LHFPL3: variants seen among roughly 807,000 people sequenced by gnomAD.
LHFPL3 encodes the protein LHFPL tetraspan subfamily member 3 protein.
In LHFPL3, 5 loss-of-function variants were observed where a neutral mutation model predicts 19.3. The ratio of observed to expected loss-of-function variants is 0.26; its 90% confidence interval spans 0.14 to 0.54. LHFPL3 has a LOEUF of 0.54. Ranked by LOEUF, LHFPL3 falls within the 20% of genes least tolerant of loss-of-function variation. The pLI is 0.94. For synonymous variants in LHFPL3, 133 were observed against 126.2 expected (o/e 1.05, Z -0.36); for missense variants, 249 against 307.4 (o/e 0.81, Z 1.42).
At chr7:104,462,014 A>G (rs1792674167) in intron 1 of LHFPL3, among the ~76,000 whole-genome samples, 3 of 152,006 alleles carry the variant, frequency 2.0e-5, no homozygotes, top group South Asian at 2.1e-4. Flanking sequence ...TTTCATGGCA[A>G]TTGTGAATTC....
intron 1 of LHFPL3, among the ~76,000 whole-genome samples, chr7:104,704,769 G>A (rs373676833): frequency 6.6e-6 from 1 of 151,938 alleles, no homozygotes; most frequent in East Asian, 1.9e-4. Flanking sequence ...CCATGTAGCT[G>A]GGACCACAAG....
chr7:104,402,198 C>T (rs145832321), intron 1 of LHFPL3, among the ~76,000 whole-genome samples: 1 of 151,966 alleles, frequency 6.6e-6, no homozygotes, highest in African/African-American at 2.4e-5. Flanking sequence ...AAGTTTTAAA[C>T]ACTGGGCTTT....
intron 1 of LHFPL3, among the ~76,000 whole-genome samples, chr7:104,412,275 G>A (rs1294472987): frequency 1.3e-5 from 2 of 152,204 alleles, no homozygotes; most frequent in Non-Finnish European, 2.9e-5. Context: ...AGGAGGCTGA[G>A]GTGAAGACAG....
rs147999374 is a variant in LHFPL3 at position 104,802,469 on chromosome 7, G to A, written c.682+65558G>A. 6.5e-4 allele frequency among the ~76,000 whole-genome samples: 95 copies of A among 145,798 alleles called. 1 individual carries two copies. Among genetic ancestry groups the A allele is most frequent in the Admixed American group, 1.2e-3 (18 of 14,466 alleles). On this transcript the variant is annotated intron_variant, in intron 2 of 2. Coordinates refer to ENST00000424859, the MANE Select transcript of LHFPL3 (RefSeq NM_199000.3). ...ATGATAGTGCCAGTGTTCCAGCCTG[G>A]GCAAGAGAGCCAACCCTATCTCAAA... is the stretch of plus-strand genomic sequence containing the variant.
intron 1 of LHFPL3, among the ~76,000 whole-genome samples, chr7:104,394,622 G>A (rs1358018130): frequency 6.6e-6 from 1 of 151,834 alleles, no homozygotes; most frequent in Non-Finnish European, 1.5e-5. Flanking sequence ...CATCATTATT[G>A]ATTTTATATT....
chr7:104,482,800 C>T (rs932235397), intron 1 of LHFPL3, among the ~76,000 whole-genome samples: 1 of 152,214 alleles, frequency 6.6e-6, no homozygotes, highest in South Asian at 2.1e-4. Flanking sequence ...CAGGTGTTCT[C>T]CCTCTTGACT....
chr7:104,556,698 G>A (rs1302078854), intron 1 of LHFPL3, among the ~76,000 whole-genome samples: 1 of 152,200 alleles, frequency 6.6e-6, no homozygotes, highest in Non-Finnish European at 1.5e-5. Flanking sequence ...ACTTACACAA[G>A]TTTCTGCAGC....
intron 1 of LHFPL3, among the ~76,000 whole-genome samples, chr7:104,680,361 G>A (rs1043240282): frequency 1.3e-5 from 2 of 152,148 alleles, no homozygotes; most frequent in African/African-American, 4.8e-5. Flanking sequence ...TGGATGTCAC[G>A]GTGCTCCCTG....
intron 1 of LHFPL3, among the ~76,000 whole-genome samples, chr7:104,541,709 A>G (rs1389385079): frequency 6.6e-6 from 1 of 152,234 alleles, no homozygotes; most frequent in African/African-American, 2.4e-5. Flanking sequence ...ATATAGTAAC[A>G]TGCTTCTGTA....
intron 1 of LHFPL3, among the ~76,000 whole-genome samples, chr7:104,451,814 G>T (rs533467471): frequency 6.6e-6 from 1 of 151,554 alleles, no homozygotes; most frequent in Admixed American, 6.6e-5. Flanking sequence ...GCATGATCTC[G>T]GCTCACTGCA....
intron 1 of LHFPL3, among the ~76,000 whole-genome samples, chr7:104,478,523 G>A (rs1404659771): frequency 1.3e-5 from 2 of 152,132 alleles, no homozygotes; most frequent in African/African-American, 2.4e-5. Flanking sequence ...GTGGGAGTGG[G>A]GAACAAGCAA....
chr7:104,637,554 T>G (rs1562955494), intron 1 of LHFPL3, among the ~76,000 whole-genome samples: 1 of 152,228 alleles, frequency 6.6e-6, no homozygotes, highest in African/African-American at 2.4e-5. Flanking sequence ...TGTTGATTTT[T>G]GCTTATGGAG....
intron 1 of LHFPL3, among the ~76,000 whole-genome samples, chr7:104,526,201 C>T (rs1432996865): frequency 6.6e-6 from 1 of 152,100 alleles, no homozygotes; most frequent in Non-Finnish European, 1.5e-5. Context: ...GCAGGAACTA[C>T]CACCAGAAAT....
chr7:104,332,223 CTTTTTTTTTTTTTTTT>C (rs1183733733), intron 1 of LHFPL3, among the ~76,000 whole-genome samples: 1 of 63,934 alleles, frequency 1.6e-5, no homozygotes, highest in Non-Finnish European at 2.6e-5. Flanking sequence ...TATTTCTTTT[CTTTTTTTTTTTTTTTT>C]TTTTTTTTGA....
chr7:104,656,545 G>C (rs1792124814), intron 1 of LHFPL3, among the ~76,000 whole-genome samples: 10 of 152,196 alleles, frequency 6.6e-5, no homozygotes, highest in Admixed American at 6.5e-4. Context: ...CTGAGTAAGG[G>C]ATAGATCGTG....
intron 1 of LHFPL3, among the ~76,000 whole-genome samples, chr7:104,600,903 T>C (rs1323082555): frequency 3.9e-5 from 6 of 152,188 alleles, no homozygotes; most frequent in Non-Finnish European, 7.3e-5. Context: ...CCAGGCACTG[T>C]GCTGAGTGTG....
At chr7:104,520,701 T>C (rs1794039098) in intron 1 of LHFPL3, among the ~76,000 whole-genome samples, 1 of 138,470 alleles carries the variant, frequency 7.2e-6, no homozygotes, top group Non-Finnish European at 1.6e-5. Flanking sequence ...AAGGAATTTA[T>C]CTATTTCTTC....
intron 1 of LHFPL3, among the ~76,000 whole-genome samples, chr7:104,734,834 C>T (rs1256768509): frequency 6.6e-6 from 1 of 152,024 alleles, no homozygotes; most frequent in Admixed American, 6.6e-5. Context: ...CTGTTTTTTC[C>T]CCATCTTTGT....
intron 1 of LHFPL3, among the ~76,000 whole-genome samples, chr7:104,363,427 C>T (rs533126636): frequency 1.3e-5 from 2 of 152,198 alleles, no homozygotes; most frequent in South Asian, 2.1e-4. Context: ...GCTGCAGTAA[C>T]GGAGAATTCC....
Sources: allele counts gnomAD v4.1 joint callset (sites outside exome capture counted in the v4.1 genomes callset), GRCh38; gene constraint gnomAD v4.1.1; transcripts MANE v1.5; gene names NCBI Gene and HGNC (gene_info 2026-07-23, HGNC 2026-07-21).